SCNN1A: variants seen among roughly 807,000 people sequenced by gnomAD.
The protein encoded by SCNN1A is epithelial sodium channel subunit alpha.
SCNN1A carries 65 observed loss-of-function variants against 68.6 expected under a neutral mutation model. The ratio of observed to expected loss-of-function variants is 0.95; its 90% CI spans 0.78 to 1.16. SCNN1A has a LOEUF of 1.16. Ranked by LOEUF, SCNN1A falls within the 50% of genes most tolerant of loss-of-function variation. SCNN1A has a pLI of 0.00. For missense variants in SCNN1A, 880 were observed against 865.9 expected, an observed-to-expected ratio of 1.02 and a Z score of -0.20; for synonymous variants, 357 against 353.3, an observed-to-expected ratio of 1.01 and a Z score of -0.12.
intron 8 of SCNN1A, among the ~76,000 whole-genome samples, 194 bp from the exon 9 acceptor site, chr12:6,349,599 T>C (rs1336282183): frequency 6.6e-6 from 1 of 152,066 alleles, no homozygotes; most frequent in Non-Finnish European, 1.5e-5. Flanking sequence ...GCTCAGCACT[T>C]TGGGAGGCCG....
At position 6,354,867 on chromosome 12, in the gene SCNN1A, C is replaced by G; in HGVS notation, c.1144-19G>C. ...GGGTTTCCTATGAACCCACATACAC[C>G]AAGAGATCAGAGGACAGAGCAAGTG... On this transcript the variant is annotated intron_variant, in intron 6 of 12. Coordinates refer to ENST00000228916, the MANE Select transcript of SCNN1A (RefSeq NM_001038.6). The G allele has an allele frequency of 6.3e-7, 1 of 1,597,646 alleles. No individual in the cohort carries two copies. Among genetic ancestry groups the G allele is most frequent in the Non-Finnish European group, 8.6e-7 (1 of 1,165,396 alleles).
At chr12:6,348,560 C>T (rs1013255041) in intron 12 of SCNN1A, among the ~76,000 whole-genome samples, 167 bp downstream of exon 12, 8 of 144,458 alleles carry the variant, frequency 5.5e-5, no homozygotes, top group African/African-American at 1.8e-4. Context: ...CGGCCGAGCT[C>T]CTTCTTCCAA....
At position 6,347,834 on chromosome 12, in the gene SCNN1A, G is replaced by A; in HGVS notation, c.*39C>T. On this transcript the variant is annotated 3_prime_UTR_variant, in exon 13 of 13. Coordinates refer to ENST00000228916, the MANE Select transcript of SCNN1A (RefSeq NM_001038.6). ...CCAGGGCCAGCACCCTCCCACCAGA[G>A]GAGCATCTGCCTTGGTGTGAGAAAC... 1 of 1,562,298 alleles carries A rather than the reference G, an allele frequency of 6.4e-7. No individual in the cohort carries two copies. The highest frequency in any genetic ancestry group is 8.8e-7 in the Non-Finnish European group (1 of 1,142,036).
At position 6,351,254 on chromosome 12, in the gene SCNN1A, T is replaced by C. The variant is rs981189382; in HGVS notation, c.1361-1849A>G. On this transcript the variant is annotated intron_variant, in intron 8 of 12. Coordinates refer to ENST00000228916, the MANE Select transcript of SCNN1A (RefSeq NM_001038.6). This position sits in a 1 kb window ranked among gnomAD's most constrained non-coding sequence, Gnocchi z 4.2. Reference sequence around the variant, plus strand: ...GGCACTGCTATTGCTACCATACGGATGAACCTTGAAAATATTATGCTAAGT... The same window carrying C: ...GGCACTGCTATTGCTACCATACGGACGAACCTTGAAAATATTATGCTAAGT... Among the ~76,000 whole-genome samples, 6 of 152,222 alleles carry C rather than the reference T, an allele frequency of 3.9e-5. No homozygotes were observed. The highest frequency in any genetic ancestry group is 9.6e-5 in the African/African-American group (4 of 41,462).
Position 6,362,037 on chromosome 12 carries a change from C to T in SCNN1A, c.875+14G>A. On this transcript the variant is annotated intron_variant, in intron 4 of 12. Coordinates refer to ENST00000228916, the MANE Select transcript of SCNN1A (RefSeq NM_001038.6). ...ACCCCGCGGAGAGCAAGGAGCCAGG[C>T]AGGACTGACTCACGCCTGGTTGCAG... 2 of 1,613,954 alleles carry T rather than the reference C, an allele frequency of 1.2e-6. No homozygotes were observed. The highest frequency in any genetic ancestry group is 1.7e-4 in the Middle Eastern group (1 of 5,950).
chr12:6,352,612 A>G lies in SCNN1A; in HGVS notation c.1360+1826T>C, dbSNP rs1948406597. Among the ~76,000 whole-genome samples the G allele has an allele frequency of 2.0e-5, 3 of 152,238 alleles. No homozygotes were observed. In the South Asian group the frequency reaches 6.2e-4, roughly 32 times the overall value. The stretch of plus-strand genomic sequence containing the variant: ...GGCATCTCCTCCATCCCAGTTCTGT[A>G]TACCCTGGGACGTGTCACATCCTCC... On this transcript the variant is annotated intron_variant, in intron 8 of 12. Coordinates refer to ENST00000228916, the MANE Select transcript of SCNN1A (RefSeq NM_001038.6).
intron 4 of SCNN1A, among the ~76,000 whole-genome samples, chr12:6,358,078 T>G (rs1264747850): frequency 6.6e-6 from 1 of 152,246 alleles, no homozygotes; most frequent in Non-Finnish European, 1.5e-5. Context: ...GTATTAGATG[T>G]GGGACCAAAC....
chr12:6,347,715 A>G lies in SCNN1A; in HGVS notation c.*158T>C, dbSNP rs188712065. On this transcript the variant is annotated 3_prime_UTR_variant, in exon 13 of 13. Coordinates refer to ENST00000228916, the MANE Select transcript of SCNN1A (RefSeq NM_001038.6). ...TTCATCAGCTACTGTTCTTGGAGCA[A>G]CTTCCTGAGCCCTTACCCATCTTGC... is the stretch of plus-strand genomic sequence containing the variant. The G allele has an allele frequency of 8.8e-6, 6 of 680,362 alleles. No homozygotes were observed. In the East Asian group the frequency reaches 1.4e-4, roughly 15 times the overall value. The allele number at this position is 680,362 out of a possible 1,614,324, so 42.1% of individuals were successfully genotyped here. A position where few individuals can be genotyped will look rare whatever the true frequency, so the allele number is the denominator to read the frequency against.
chr12:6,370,262 T>C (rs1279658730), intron 2 of SCNN1A, among the ~76,000 whole-genome samples: 1 of 152,204 alleles, frequency 6.6e-6, no homozygotes, highest in South Asian at 2.1e-4. Flanking sequence ...GGAGCCAAGA[T>C]GTGAACCCAG....
In SCNN1A at chr12:6,354,564, G is replaced by C; in HGVS notation, c.1243-9C>G. 1 of 1,597,544 alleles carries C rather than the reference G, an allele frequency of 6.3e-7. No homozygotes were observed. Among genetic ancestry groups the C allele is most frequent in the South Asian group, 1.1e-5 (1 of 90,764 alleles). ...CAGGAGTGAATACACACCTGGAAGG[G>C]AGGAGGGTGGAGAGGAGAGGGGGTT... On this transcript the variant is annotated splice_polypyrimidine_tract_variant and intron_variant, in intron 7 of 12. Coordinates refer to ENST00000228916, the MANE Select transcript of SCNN1A (RefSeq NM_001038.6).
chr12:6,377,210 G>A, upstream of SCNN1A: 1 of 1,529,138 alleles, frequency 6.5e-7, no homozygotes, highest in East Asian at 2.5e-5. Flanking sequence ...TAAAGTGAAA[G>A]CCGGTGTCAA....
At chr12:6,354,649 G>T in intron 7 of SCNN1A, 94 bp from the exon 8 acceptor site, 1 of 1,414,414 alleles carries the variant, frequency 7.1e-7, no homozygotes, top group Non-Finnish European at 1.0e-6. Flanking sequence ...CCACCCCCCA[G>T]TTTCCCTCTC....
Position 6,374,884 on chromosome 12 carries a change from A to G in SCNN1A, c.-54-47T>C. Reference sequence around the variant, plus strand: ...TTGGGGAGAGCAAGGGTCAGGGTCAAGGCTGAGCTCTGGGCCCTGAGTGCC... The same window carrying G: ...TTGGGGAGAGCAAGGGTCAGGGTCAGGGCTGAGCTCTGGGCCCTGAGTGCC... On this transcript the variant is annotated intron_variant, in intron 1 of 12. Coordinates refer to ENST00000228916, the MANE Select transcript of SCNN1A (RefSeq NM_001038.6). This position sits in a 1 kb window ranked among gnomAD's most constrained non-coding sequence, Gnocchi z 6.2. The G allele has an allele frequency of 6.2e-7, 1 of 1,613,740 alleles. No homozygotes were observed. The highest frequency in any genetic ancestry group is 2.2e-5 in the East Asian group (1 of 44,858).
At chr12:6,376,105 C>T, upstream of SCNN1A, 1 of 988,500 alleles carries the variant, frequency 1.0e-6, no homozygotes, top group Non-Finnish European at 1.2e-6. Context: ...CAAGGGCACC[C>T]ACAGGTCAGC....
chr12:6,351,948 G>A lies in SCNN1A; in HGVS notation c.1360+2490C>T, dbSNP rs1948395890. Among the ~76,000 whole-genome samples, 3 of 151,858 alleles carry A rather than the reference G, an allele frequency of 2.0e-5. No homozygotes were observed. Among genetic ancestry groups the A allele is most frequent in the Admixed American group, 6.6e-5 (1 of 15,226 alleles). On this transcript the variant is annotated intron_variant, in intron 8 of 12. Transcript: ENST00000228916. This position sits in a 1 kb window ranked among gnomAD's most constrained non-coding sequence, Gnocchi z 4.2. The stretch of plus-strand genomic sequence containing the variant: ...CTAATTTTTGTAAAGACAGGGTTTC[G>A]CCACGTTGCCCAGGCTGGTGTCGAA...
intron 8 of SCNN1A, chr12:6,353,835 C>G (rs957218045): frequency 6.7e-6 from 1 of 148,182 alleles, no homozygotes; most frequent in Non-Finnish European, 1.5e-5. Flanking sequence ...GTGATCCGCC[C>G]GCCGTGGCCT....
rs372568407 is a variant in SCNN1A at position 6,349,186 on chromosome 12, C to T, written c.1475G>A (p.Arg492Gln). Residue 492 changes from arginine (R) to glutamine (Q), a missense_variant, in exon 10 of 13, where the codon CGA (arginine) becomes CAA (glutamine). By Grantham distance (43) the Arg-to-Gln change is conservative (BLOSUM62 1). Coordinates refer to ENST00000228916, the MANE Select transcript of SCNN1A (RefSeq NM_001038.6). ...TSYQLSAGYS[R>Q]WPSVTSQEWV... The stretch of plus-strand genomic sequence containing the variant: ...TACCTGGGATGTCACCGAGGGCCAT[C>T]GTGAGTAACCAGCAGAGAGCTGGTA... The T allele has an allele frequency of 3.7e-6, 6 of 1,614,096 alleles. No homozygotes were observed. Among genetic ancestry groups the T allele is most frequent in the Admixed American group, 1.7e-5 (1 of 60,022 alleles).
chr12:6,354,522 T>C lies in SCNN1A; in HGVS notation c.1276A>G (p.Ile426Val). Residue 426 changes from isoleucine to valine, a missense_variant, in exon 8 of 13, where the codon ATC becomes GTC. This residue lies in a region of SCNN1A where 758 missense variants were observed against 721.8 expected (regional missense o/e 1.05). Coordinates refer to ENST00000228916, the MANE Select transcript of SCNN1A (RefSeq NM_001038.6). Reference protein sequence around the residue: ...CIHSCFQESMIKECGCAYIFY... With the variant: ...CIHSCFQESMVKECGCAYIFY... Reference sequence around the variant, plus strand: ...ATGTAGGCACAGCCACACTCCTTGATCATGCTCTCCTGGAAGCAGGAGTGA... The same window carrying C: ...ATGTAGGCACAGCCACACTCCTTGACCATGCTCTCCTGGAAGCAGGAGTGA... 1 of 1,613,912 alleles carries C rather than the reference T, an allele frequency of 6.2e-7. No individual in the cohort carries two copies. The highest frequency in any genetic ancestry group is 8.5e-7 in the Non-Finnish European group (1 of 1,179,978).
intron 3 of SCNN1A, among the ~76,000 whole-genome samples, 193 bp downstream of exon 3, chr12:6,363,250 C>G (rs1451997452): frequency 6.6e-6 from 1 of 151,944 alleles, no homozygotes; most frequent in East Asian, 2.0e-4. Context: ...AGCTTGGGCA[C>G]CAAGAGGTGT....
Sources: allele counts gnomAD v4.1 joint callset (sites outside exome capture counted in the v4.1 genomes callset), GRCh38; gene constraint gnomAD v4.1.1; regional missense constraint gnomAD v4.1.1; non-coding constraint Gnocchi (gnomAD v3.1); transcripts MANE v1.5; gene names NCBI Gene and HGNC (gene_info 2026-07-23, HGNC 2026-07-21).